Variants in PCDHA3 observed in about 807,000 individuals in gnomAD.
PCDHA3 encodes the protein protocadherin alpha 3, also known as protocadherin alpha-3.
A neutral mutation model predicts 62.2 loss-of-function variants in PCDHA3; 41 were observed. The ratio of observed to expected loss-of-function variants is 0.66; its 90% CI spans 0.51 to 0.86. PCDHA3 has a LOEUF of 0.86. Ranked by LOEUF, PCDHA3 falls within the 40% of genes least tolerant of loss-of-function variation. The pLI is 0.00. For missense variants in PCDHA3, 1,304 were observed against 1,241.2 expected (o/e 1.05, Z -0.76); for synonymous variants, 640 against 555.4 (o/e 1.15, Z -2.14).
chr5:140,808,693 C>A, intron 1 of PCDHA3: 1 of 1,612,144 alleles, frequency 6.2e-7, no homozygotes, highest in Non-Finnish European at 8.5e-7. Flanking sequence ...TAGGGGAGCG[C>A]GCGCTGTCGA....
intron 1 of PCDHA3, among the ~76,000 whole-genome samples, chr5:140,915,164 G>T (rs782783727): frequency 2.6e-5 from 4 of 152,026 alleles, no homozygotes; most frequent in Non-Finnish European, 4.4e-5. Flanking sequence ...GGCCAGGATA[G>T]TCTCGATCTC....
In PCDHA3 at chr5:140,802,620, T is replaced by A; in HGVS notation, c.1423T>A (p.Phe475Ile). ...GAACAACCCGCCGGGCTGCCACATCTTCACGGTGTCTGCGCGGGACGCGGA... is the reference window on the plus strand; with the variant it reads ...GAACAACCCGCCGGGCTGCCACATCATCACGGTGTCTGCGCGGGACGCGGA... Reference protein sequence around the residue: ...KENNPPGCHIFTVSARDADAQ... With the variant: ...KENNPPGCHIITVSARDADAQ... Residue 475 changes from phenylalanine to isoleucine, a missense_variant, in exon 1 of 4, where the codon TTC becomes ATC. By Grantham distance (21) the Phe-to-Ile change is conservative (BLOSUM62 0). Coordinates refer to ENST00000522353, the MANE Select transcript of PCDHA3 (RefSeq NM_018906.3). 1.9e-6 allele frequency: 3 copies of A among 1,613,936 alleles called. No homozygotes were observed. The highest frequency in any genetic ancestry group is 2.5e-6 in the Non-Finnish European group (3 of 1,179,922).
chr5:140,948,403 T>A (rs2153683270), intron 1 of PCDHA3, among the ~76,000 whole-genome samples: 1 of 151,756 alleles, frequency 6.6e-6, no homozygotes, highest in Non-Finnish European at 1.5e-5. Context: ...GGTTGTGTAA[T>A]ATTGGTGTTA....
chr5:140,843,189 G>A (rs200720426), intron 1 of PCDHA3: 5 of 1,595,874 alleles, frequency 3.1e-6, no homozygotes, highest in Non-Finnish European at 4.3e-6. Flanking sequence ...ATCCCGTTCC[G>A]CGTGGGGCTG....
intron 1 of PCDHA3, chr5:140,856,511 G>A (rs1554148790): frequency 6.3e-7 from 1 of 1,598,478 alleles, no homozygotes; most frequent in Non-Finnish European, 8.6e-7. Context: ...TCCACTAGAA[G>A]GCGCATCTGA....
chr5:140,950,040 C>T (rs1053592525), intron 1 of PCDHA3, among the ~76,000 whole-genome samples: 4 of 151,718 alleles, frequency 2.6e-5, no homozygotes, highest in Non-Finnish European at 5.9e-5. Flanking sequence ...AAGTTACAAC[C>T]ATATAAGACT....
At chr5:140,832,622 T>A (rs2150202867) in intron 1 of PCDHA3, among the ~76,000 whole-genome samples, 13 of 152,136 alleles carry the variant, frequency 8.5e-5, no homozygotes, top group African/African-American at 3.1e-4. Flanking sequence ...AAATGTTTTT[T>A]AAAAAGTTCC....
intron 1 of PCDHA3, chr5:140,864,039 A>G (rs1287126881): frequency 6.5e-6 from 1 of 152,908 alleles, no homozygotes; most frequent in Non-Finnish European, 1.5e-5. Context: ...CATCTTAATC[A>G]CTTTTTACTA....
intron 1 of PCDHA3, chr5:140,806,907 C>T (rs1449170293): frequency 2.1e-6 from 1 of 474,862 alleles, no homozygotes; most frequent in Non-Finnish European, 3.7e-6. Context: ...TCCGAAACGA[C>T]TGAAATAATA....
intron 1 of PCDHA3, among the ~76,000 whole-genome samples, chr5:140,826,902 T>C (rs2150145831): frequency 6.6e-6 from 1 of 152,196 alleles, no homozygotes. Flanking sequence ...AAGATAAATA[T>C]GATAGCATGT....
chr5:140,957,100 T>C (rs2095333217), intron 1 of PCDHA3, among the ~76,000 whole-genome samples: 1 of 152,328 alleles, frequency 6.6e-6, no homozygotes, highest in Non-Finnish European at 1.5e-5. Flanking sequence ...AATATTGCTA[T>C]GGACATGATT....
chr5:140,901,352 G>T (rs1426715966), intron 1 of PCDHA3, among the ~76,000 whole-genome samples: 2 of 152,138 alleles, frequency 1.3e-5, no homozygotes, highest in East Asian at 3.8e-4. Flanking sequence ...TGATGTCTTA[G>T]ATTTAAGTCT....
chr5:140,888,077 A>T (rs575248983), intron 1 of PCDHA3, among the ~76,000 whole-genome samples: 2 of 152,238 alleles, frequency 1.3e-5, no homozygotes, highest in African/African-American at 4.8e-5. Flanking sequence ...TGCTAATTTC[A>T]ACATTTTTGT....
intron 1 of PCDHA3, among the ~76,000 whole-genome samples, chr5:140,899,690 C>T (rs1340913543): frequency 6.6e-6 from 1 of 152,156 alleles, no homozygotes; most frequent in Non-Finnish European, 1.5e-5. Flanking sequence ...TGATGCTGGC[C>T]TCATAAAATG....
intron 1 of PCDHA3, among the ~76,000 whole-genome samples, chr5:140,960,397 G>C (rs1322659184): frequency 6.6e-6 from 1 of 152,102 alleles, no homozygotes; most frequent in African/African-American, 2.4e-5. Flanking sequence ...AGGATGCAAG[G>C]GGGGGTGCCC....
At chr5:140,915,244 G>A (rs1440851135) in intron 1 of PCDHA3, among the ~76,000 whole-genome samples, 2 of 152,058 alleles carry the variant, frequency 1.3e-5, no homozygotes, top group Non-Finnish European at 2.9e-5. Flanking sequence ...ACCATGCCTG[G>A]CCAGGTTGTT....
At chr5:140,906,643 G>A (rs1049197869) in intron 1 of PCDHA3, among the ~76,000 whole-genome samples, 14 of 152,222 alleles carry the variant, frequency 9.2e-5, no homozygotes, top group South Asian at 4.1e-4. Context: ...TCAGCAGGTA[G>A]TGGTTTTTTC....
intron 1 of PCDHA3, among the ~76,000 whole-genome samples, chr5:140,872,204 C>T (rs1475899671): frequency 6.6e-6 from 1 of 151,738 alleles, no homozygotes. Flanking sequence ...ATCATAAATT[C>T]ATTATATATG....
At chr5:140,886,680 G>A (rs1554182653) in intron 1 of PCDHA3, among the ~76,000 whole-genome samples, 1 of 151,946 alleles carries the variant, frequency 6.6e-6, no homozygotes, top group Non-Finnish European at 1.5e-5. Flanking sequence ...ACAAAAATTA[G>A]CGAGGCATGG....
Sources: gnomAD v4.1 joint callset for allele counts (sites outside exome capture counted in the v4.1 genomes callset) on GRCh38, gnomAD v4.1.1 for gene constraint, MANE v1.5 for transcripts, NCBI Gene and HGNC (gene_info 2026-07-23, HGNC 2026-07-21) for gene names.